The following ATP8A2 variants were observed in gnomAD, a reference collection of about 807,000 sequenced individuals.
The protein encoded by ATP8A2 is ATPase phospholipid transporting 8A2.
A neutral mutation model predicts 165.6 loss-of-function variants in ATP8A2; 100 were observed. That is an observed-to-expected ratio of 0.60 (90% CI 0.51 to 0.71). ATP8A2 has a LOEUF of 0.71. ATP8A2 is among the 30% of genes least tolerant of loss of function. The pLI, the probability that ATP8A2 is intolerant of heterozygous loss-of-function variation, is 0.00. For missense variants in ATP8A2, 1,227 were observed against 1,479.5 expected (o/e 0.83, Z 2.80); for synonymous variants, 543 against 548.8 (o/e 0.99, Z 0.15).
intron 1 of ATP8A2, among the ~76,000 whole-genome samples, chr13:25,399,817 T>G (rs2033571396): frequency 6.6e-6 from 1 of 150,836 alleles, no homozygotes; most frequent in East Asian, 2.0e-4. Flanking sequence ...TCCTTCCTAC[T>G]CTTCCTCTTC....
At chr13:25,495,471 T>A (rs1193733290) in intron 2 of ATP8A2, among the ~76,000 whole-genome samples, 1 of 152,072 alleles carries the variant, frequency 6.6e-6, no homozygotes, top group African/African-American at 2.4e-5. Context: ...GTATTTTTGC[T>A]TTTTAAGAGA....
intron 33 of ATP8A2, among the ~76,000 whole-genome samples, chr13:25,891,824 C>T (rs1953371891): frequency 6.6e-6 from 1 of 151,972 alleles, no homozygotes. Context: ...GCAGGCCAAA[C>T]AAGATTTTCT....
chr13:25,798,656 G>A (rs946485613), intron 27 of ATP8A2, among the ~76,000 whole-genome samples: 9 of 152,154 alleles, frequency 5.9e-5, no homozygotes, highest in African/African-American at 2.2e-4. Context: ...ATGGTTTTTA[G>A]AAAGAAAGAG....
Position 25,510,322 on chromosome 13 carries a change from T to G in ATP8A2, c.222-19677T>G, listed in dbSNP as rs186908573. The stretch of plus-strand genomic sequence containing the variant: ...GAAGATGACCCCTTGGGCTATTGGC[T>G]CAGAAAAGGAGAAGGATGTGGTTTG... On this transcript the variant is annotated intron_variant, in intron 2 of 36. Transcript: ENST00000381655. 2.6e-5 allele frequency among the ~76,000 whole-genome samples: 4 copies of G among 152,108 alleles called. No homozygotes were observed. In the East Asian group the frequency reaches 5.8e-4, roughly 22 times the overall value.
At chr13:25,481,035 A>G (rs1253967347) in intron 2 of ATP8A2, among the ~76,000 whole-genome samples, 1 of 152,146 alleles carries the variant, frequency 6.6e-6, no homozygotes, top group African/African-American at 2.4e-5. Context: ...GCGCGCCTGC[A>G]ATCACAGGCA....
At chr13:25,662,201 C>G (rs79738549) in intron 24 of ATP8A2, among the ~76,000 whole-genome samples, 2,771 of 152,244 alleles carry the variant, frequency 0.018, 44 homozygotes, top group Non-Finnish European at 0.029. Context: ...GAGTACATAG[C>G]ATATTGTAAG....
intron 1 of ATP8A2, among the ~76,000 whole-genome samples, chr13:25,414,873 C>CTA (rs2034087873): frequency 6.6e-6 from 1 of 152,206 alleles, no homozygotes; most frequent in South Asian, 2.1e-4. Context: ...CATAACCCAG[C>CTA]TATCATTCAT....
chr13:25,754,283 C>T (rs1281331705), intron 25 of ATP8A2, among the ~76,000 whole-genome samples: 1 of 152,180 alleles, frequency 6.6e-6, no homozygotes, highest in Non-Finnish European at 1.5e-5. Flanking sequence ...TGGCCCTGGC[C>T]CTGAACAGAA....
chr13:25,928,038 A>G (rs1046962201), intron 33 of ATP8A2, among the ~76,000 whole-genome samples: 3 of 152,200 alleles, frequency 2.0e-5, no homozygotes, highest in Admixed American at 1.3e-4. Context: ...ATCCTAGACT[A>G]TTTCCTCTGA....
chr13:25,614,398 G>T (rs1416398764), intron 24 of ATP8A2, among the ~76,000 whole-genome samples: 1 of 151,784 alleles, frequency 6.6e-6, no homozygotes, highest in Non-Finnish European at 1.5e-5. Flanking sequence ...TATTTCTCTG[G>T]GGATTTTTCT....
At chr13:25,879,438 A>G (rs1435911461) in intron 33 of ATP8A2, among the ~76,000 whole-genome samples, 2 of 152,258 alleles carry the variant, frequency 1.3e-5, no homozygotes, top group Non-Finnish European at 2.9e-5. Context: ...AAAAGAATGC[A>G]TAGACAGTTA....
intron 25 of ATP8A2, among the ~76,000 whole-genome samples, chr13:25,703,792 A>G (rs956168980): frequency 6.6e-6 from 1 of 152,142 alleles, no homozygotes; most frequent in African/African-American, 2.4e-5. Context: ...AGGAGGAAGA[A>G]TGGCCAGTGA....
At chr13:25,472,925 A>T (rs1168469511) in intron 2 of ATP8A2, among the ~76,000 whole-genome samples, 1 of 152,148 alleles carries the variant, frequency 6.6e-6, no homozygotes, top group Non-Finnish European at 1.5e-5. Context: ...CTGGCATTTG[A>T]CTAGGAATGG....
At chr13:25,465,675 C>CTT (rs767691438) in intron 1 of ATP8A2, among the ~76,000 whole-genome samples, 200 of 7,718 alleles carry the variant, frequency 0.026, 6 homozygotes, top group African/African-American at 0.051. Flanking sequence ...TTCTTTCTTT[C>CTT]TTTCTTTCTT....
At chr13:25,679,663 G>T (rs1316193520) in intron 24 of ATP8A2, among the ~76,000 whole-genome samples, 2 of 152,144 alleles carry the variant, frequency 1.3e-5, no homozygotes, top group Admixed American at 1.3e-4. Context: ...ACACAGTAAA[G>T]ATTTGAATAT....
chr13:25,533,155 T>C lies in ATP8A2; in HGVS notation c.467-118T>C, dbSNP rs905301750. On this transcript the variant is annotated intron_variant, in intron 5 of 36. Transcript: ENST00000381655. ...GGTGCTGATGTTATGCCATCATGGCTAAAGATAGGGTATGTTAGAATTAAT... is the reference window on the plus strand; with the variant it reads ...GGTGCTGATGTTATGCCATCATGGCCAAAGATAGGGTATGTTAGAATTAAT... The C allele has an allele frequency of 9.1e-5, 61 of 667,226 alleles. No homozygotes were observed. The Admixed American group carries it at 1.5e-3, about 17-fold the overall frequency. 41.3% of individuals were successfully genotyped at this position (667,226 alleles called of 1,614,324 possible). A position where few individuals can be genotyped will look rare whatever the true frequency, so the allele number is the denominator to read the frequency against.
chr13:25,642,764 G>T (rs1032825545), intron 24 of ATP8A2, among the ~76,000 whole-genome samples: 1 of 152,142 alleles, frequency 6.6e-6, no homozygotes, highest in Non-Finnish European at 1.5e-5. Flanking sequence ...ACATGCACAC[G>T]TATGTTTATT....
rs187485870 is a variant in ATP8A2 at position 25,374,819 on chromosome 13, G to A, written c.76+2531G>A. On this transcript the variant is annotated intron_variant, in intron 1 of 36. Transcript: ENST00000381655. ...AACAGGGGCAGAGGGCCTGACAATC[G>A]TGTACTCCCATAAAAATACTAAACA... Among the ~76,000 whole-genome samples, 13 of 152,240 alleles carry A rather than the reference G, an allele frequency of 8.5e-5. No homozygotes were observed. The East Asian group carries it at 2.3e-3, about 27-fold the overall frequency.
chr13:25,758,351 T>C (rs963403257), intron 25 of ATP8A2, among the ~76,000 whole-genome samples: 6 of 152,206 alleles, frequency 3.9e-5, no homozygotes, highest in African/African-American at 1.4e-4. Context: ...ACCTATTGTG[T>C]ATGATGCTAA....
Sources: gnomAD v4.1 joint callset for allele counts (sites outside exome capture counted in the v4.1 genomes callset) on GRCh38, gnomAD v4.1.1 for gene constraint, MANE v1.5 for transcripts, NCBI Gene and HGNC (gene_info 2026-07-23, HGNC 2026-07-21) for gene names.